Variants in CHRM4 observed in about 807,000 individuals in gnomAD.
CHRM4 encodes the protein muscarinic acetylcholine receptor M4.
A neutral mutation model predicts 26.3 loss-of-function variants in CHRM4; 5 were observed. That is an observed-to-expected ratio of 0.19 (90% CI 0.10 to 0.40). The LOEUF (loss-of-function observed/expected upper bound fraction) is 0.40. CHRM4 is among the 10% of genes least tolerant of loss of function. The probability of loss-of-function intolerance (pLI) is 1.00; values close to 1 mark genes in which losing one functional copy is unlikely to be tolerated. For missense variants in CHRM4, 402 were observed against 664.5 expected, an observed-to-expected ratio of 0.60 and a Z score of 4.34; for synonymous variants, 290 against 285.3, an observed-to-expected ratio of 1.02 and a Z score of -0.16.
intron 1 of CHRM4, among the ~76,000 whole-genome samples, chr11:46,390,527 C>A (rs781673989): frequency 3.3e-5 from 5 of 152,260 alleles, no homozygotes; most frequent in Non-Finnish European, 5.9e-5. Flanking sequence ...TCGGGTCAGG[C>A]GAGTGCAAGA....
chr11:46,387,933 C>T (rs1469703822), intron 1 of CHRM4, among the ~76,000 whole-genome samples: 1 of 152,218 alleles, frequency 6.6e-6, no homozygotes, highest in Non-Finnish European at 1.5e-5. Flanking sequence ...GGCCGCCTCT[C>T]CCCTCCACAG....
chr11:46,384,570 A>T lies in CHRM4; in HGVS notation c.*548T>A, dbSNP rs1590680696. 6.6e-6 allele frequency among the ~76,000 whole-genome samples: 1 copy of T among 152,296 alleles called. No individual in the cohort carries two copies. The highest frequency in any genetic ancestry group is 2.4e-5 in the African/African-American group (1 of 41,552). On this transcript the variant is annotated 3_prime_UTR_variant, in exon 2 of 2. Transcript: ENST00000682254. ...GGGCGGGGGGGACCTGGCCTCCATC[A>T]TACCCACCCAGAACCTGGCTAAGTA...
chr11:46,387,230 T>C (rs1246733789), intron 1 of CHRM4, among the ~76,000 whole-genome samples: 1 of 152,228 alleles, frequency 6.6e-6, no homozygotes, highest in Non-Finnish European at 1.5e-5. Flanking sequence ...AATCGGGGTA[T>C]GTATGAGCAC....
chr11:46,391,273 G>T lies in CHRM4; in HGVS notation c.-30+258C>A, dbSNP rs1023942031. Among the ~76,000 whole-genome samples the T allele has an allele frequency of 6.6e-6, 1 of 152,032 alleles. No individual in the cohort carries two copies. The highest frequency in any genetic ancestry group is 2.4e-5 in the African/African-American group (1 of 41,490). ...TCAGCGCCCGGCGCCCTGCTGAGCC[G>T]CCAGTGGGAGGGCTGGAGTACAGGG... On this transcript the variant is annotated intron_variant, in intron 1 of 1. Coordinates refer to ENST00000682254, the MANE Select transcript of CHRM4 (RefSeq NM_000741.5). The surrounding 1 kb of genome is among the most constrained non-coding windows in gnomAD (Gnocchi z 6.3).
intron 1 of CHRM4, among the ~76,000 whole-genome samples, chr11:46,391,000 C>A (rs1237718039): frequency 6.6e-6 from 1 of 152,006 alleles, no homozygotes; most frequent in African/African-American, 2.4e-5. Flanking sequence ...ACATTGTGCC[C>A]AACACTTCCG....
Position 46,386,334 on chromosome 11 carries a change from G to A in CHRM4, c.224C>T (p.Ala75Val). 1 of 1,613,958 alleles carries A rather than the reference G, an allele frequency of 6.2e-7. No homozygotes were observed. Among genetic ancestry groups the A allele is most frequent in the Non-Finnish European group, 8.5e-7 (1 of 1,179,918 alleles). Residue 75 changes from alanine (A) to valine (V), a missense_variant, in exon 2 of 2, where the codon GCG becomes GTG. Around this residue, in one of 5 missense-constraint regions of CHRM4, gnomAD observed 92 missense variants for 133.1 expected, o/e 0.69. Coordinates refer to ENST00000682254, the MANE Select transcript of CHRM4 (RefSeq NM_000741.5). The surrounding 1 kb of genome is among the most constrained non-coding windows in gnomAD (Gnocchi z 5.8). ...GGCGCCTATGATGAGATCAGCACAC[G>A]CCAGGCTGAAGAGGAAGTAGTTGTT... is the stretch of plus-strand genomic sequence containing the variant. ...TVNNYFLFSL[A>V]CADLIIGAFS...
rs757378742 is a variant in CHRM4 at position 46,386,454 on chromosome 11, A to G, written c.104T>C (p.Ile35Thr). The change falls in exon 2 of 2, where the codon ATT becomes ACT. Residue 35 changes from isoleucine to threonine, a missense_variant. By Grantham distance (89) the Ile-to-Thr change is moderately conservative (BLOSUM62 -1). This residue lies in a region of CHRM4 where 92 missense variants were observed against 133.1 expected (regional missense o/e 0.69). Coordinates refer to ENST00000682254, the MANE Select transcript of CHRM4 (RefSeq NM_000741.5). The surrounding 1 kb of genome is among the most constrained non-coding windows in gnomAD (Gnocchi z 5.8). ...GCTCAGGGAGCCTGTCACTGTGGCA[A>G]TGAAGACCATTTCCACCGTCTCATA... ...NRYETVEMVF[I>T]ATVTGSLSLV... 1.2e-6 allele frequency: 2 copies of G among 1,613,862 alleles called. No homozygotes were observed. Among genetic ancestry groups the G allele is most frequent in the Admixed American group, 3.3e-5 (2 of 60,026 alleles).
Position 46,384,489 on chromosome 11 carries a change from C to T in CHRM4, c.*629G>A, listed in dbSNP as rs1200526371. ...GAAGGCCAGACCTCAGTTCCTGAGA[C>T]AGAACCTCTGACCTCCCAGCTGCCC... is the stretch of plus-strand genomic sequence containing the variant. On this transcript the variant is annotated 3_prime_UTR_variant, in exon 2 of 2. Coordinates refer to ENST00000682254, the MANE Select transcript of CHRM4 (RefSeq NM_000741.5). Among the ~76,000 whole-genome samples, 1 of 152,238 alleles carries T rather than the reference C, an allele frequency of 6.6e-6. No individual in the cohort carries two copies. Among genetic ancestry groups the T allele is most frequent in the Non-Finnish European group, 1.5e-5 (1 of 68,040 alleles).
rs923871797 is a variant in CHRM4 at position 46,384,809 on chromosome 11, C to T, written c.*309G>A. Reference sequence around the variant, plus strand: ...TTCGGCCCCCATCCAGATGTCCATTCTTCCAGCACTGCTGATGGTTGGTCA... The same window carrying T: ...TTCGGCCCCCATCCAGATGTCCATTTTTCCAGCACTGCTGATGGTTGGTCA... On this transcript the variant is annotated 3_prime_UTR_variant, in exon 2 of 2. Coordinates refer to ENST00000682254, the MANE Select transcript of CHRM4 (RefSeq NM_000741.5). Among the ~76,000 whole-genome samples the T allele has an allele frequency of 1.3e-5, 2 of 152,380 alleles. No homozygotes were observed. Among genetic ancestry groups the T allele is most frequent in the African/African-American group, 4.8e-5 (2 of 41,602 alleles).
In CHRM4 at chr11:46,391,501, G is replaced by C. The variant is rs906885088; in HGVS notation, c.-30+30C>G. ...CCCGGCCCGCGCTCGCCCCGGAGGGGGTCTGGCGCCCTGTCCCAGTCGAAC... is the reference window on the plus strand; with the variant it reads ...CCCGGCCCGCGCTCGCCCCGGAGGGCGTCTGGCGCCCTGTCCCAGTCGAAC... On this transcript the variant is annotated intron_variant, in intron 1 of 1. Transcript: ENST00000682254. This position sits in a 1 kb window ranked among gnomAD's most constrained non-coding sequence, Gnocchi z 6.3. Among the ~76,000 whole-genome samples, 1 of 152,036 alleles carries C rather than the reference G, an allele frequency of 6.6e-6. No individual in the cohort carries two copies. Among genetic ancestry groups the C allele is most frequent in the African/African-American group, 2.4e-5 (1 of 41,422 alleles).
intron 1 of CHRM4, among the ~76,000 whole-genome samples, chr11:46,390,032 C>T (rs1945377746): frequency 6.6e-6 from 1 of 152,172 alleles, no homozygotes; most frequent in Non-Finnish European, 1.5e-5. Flanking sequence ...AGGATGCACA[C>T]GGTTCGGGTG....
At chr11:46,390,037 C>T (rs973479681) in intron 1 of CHRM4, among the ~76,000 whole-genome samples, 2 of 152,136 alleles carry the variant, frequency 1.3e-5, no homozygotes, top group Admixed American at 6.5e-5. Context: ...GCACACGGTT[C>T]GGGTGCCTCT....
chr11:46,386,553 G>A lies in CHRM4; in HGVS notation c.5C>T (p.Ala2Val). 6.2e-7 allele frequency: 1 copy of A among 1,607,892 alleles called. No individual in the cohort carries two copies. Among genetic ancestry groups the A allele is most frequent in the Non-Finnish European group, 8.5e-7 (1 of 1,175,226 alleles). M[A>V]NFTPVNGSSG... ...GCTGCCATTGACAGGTGTGAAGTTG[G>A]CCATGTTGGTTGCCAGGGGTGGGTA... Residue 2 changes from alanine to valine, a missense_variant, in exon 2 of 2, where the codon GCC (alanine) becomes GTC (valine). This residue lies in a region of CHRM4 where 92 missense variants were observed against 133.1 expected (regional missense o/e 0.69). Transcript: ENST00000682254. This position sits in a 1 kb window ranked among gnomAD's most constrained non-coding sequence, Gnocchi z 5.8.
Position 46,385,366 on chromosome 11 carries a change from C to T in CHRM4, c.1192G>A (p.Val398Met). 1 of 1,610,224 alleles carries T rather than the reference C, an allele frequency of 6.2e-7. No individual in the cohort carries two copies. The highest frequency in any genetic ancestry group is 8.5e-7 in the Non-Finnish European group (1 of 1,176,790). The change falls in exon 2 of 2, where the codon GTG becomes ATG. Residue 398 changes from valine to methionine, a missense_variant. Around this residue, in one of 5 missense-constraint regions of CHRM4, gnomAD observed 55 missense variants for 126.4 expected, o/e 0.44. Coordinates refer to ENST00000682254, the MANE Select transcript of CHRM4 (RefSeq NM_000741.5). The surrounding 1 kb of genome is among the most constrained non-coding windows in gnomAD (Gnocchi z 6.3). ...AGAATGGCAAAGATCGTTCGTGTCA[C>T]TTTGCGCTCCCGGGCCGCCATCTGC... is the stretch of plus-strand genomic sequence containing the variant. ...KRQMAARERK[V>M]TRTIFAILLA...
chr11:46,386,365 T>C lies in CHRM4; in HGVS notation c.193A>G (p.Thr65Ala). Residue 65 changes from threonine (T) to alanine (A), a missense_variant, in exon 2 of 2, where the codon ACA becomes GCA. Thr to Ala is a moderately conservative substitution (Grantham distance 58, BLOSUM62 0). Around this residue, in one of 5 missense-constraint regions of CHRM4, gnomAD observed 92 missense variants for 133.1 expected, o/e 0.69. Coordinates refer to ENST00000682254, the MANE Select transcript of CHRM4 (RefSeq NM_000741.5). This position sits in a 1 kb window ranked among gnomAD's most constrained non-coding sequence, Gnocchi z 5.8. ...CTGAAGAGGAAGTAGTTGTTGACTG[T>C]CTGCAGCTGCCTGTTGACCTTGATG... is the stretch of plus-strand genomic sequence containing the variant. ...LSIKVNRQLQTVNNYFLFSLA... is the reference protein window; with the variant it reads ...LSIKVNRQLQAVNNYFLFSLA... 1 of 1,614,072 alleles carries C rather than the reference T, an allele frequency of 6.2e-7. No individual in the cohort carries two copies. The highest frequency in any genetic ancestry group is 8.5e-7 in the Non-Finnish European group (1 of 1,179,958).
Position 46,385,887 on chromosome 11 carries a change from C to A in CHRM4, c.671G>T (p.Ser224Ile). The A allele has an allele frequency of 6.2e-7, 1 of 1,610,864 alleles. No individual in the cohort carries two copies. Among genetic ancestry groups the A allele is most frequent in the Admixed American group, 1.7e-5 (1 of 59,598 alleles). Residue 224 changes from serine to isoleucine, a missense_variant, in exon 2 of 2, where the codon AGC becomes ATC. By Grantham distance (142) the Ser-to-Ile change is moderately radical. Transcript: ENST00000682254. This position sits in a 1 kb window ranked among gnomAD's most constrained non-coding sequence, Gnocchi z 6.3. ...LYIHISLASR[S>I]RVHKHRPEGP... ...CTCGGGCCGGTGCTTGTGGACTCGGCTGCGACTGGCCAGGGAGATGTGGAT... is the reference window on the plus strand; with the variant it reads ...CTCGGGCCGGTGCTTGTGGACTCGGATGCGACTGGCCAGGGAGATGTGGAT...
intron 1 of CHRM4, among the ~76,000 whole-genome samples, chr11:46,389,771 G>A (rs1455661955): frequency 6.6e-6 from 1 of 152,252 alleles, no homozygotes; most frequent in Non-Finnish European, 1.5e-5. Flanking sequence ...GTTCTCGGGT[G>A]GGAAAGTTGA....
Position 46,386,798 on chromosome 11 carries a change from G to A in CHRM4, c.-29-212C>T, listed in dbSNP as rs558342810. Among the ~76,000 whole-genome samples, 393 of 152,318 alleles carry A rather than the reference G, an allele frequency of 2.6e-3. 2 individuals are homozygous for A. The highest frequency in any genetic ancestry group is 8.9e-3 in the African/African-American group (371 of 41,562). On this transcript the variant is annotated intron_variant, in intron 1 of 1. Transcript: ENST00000682254. This position sits in a 1 kb window ranked among gnomAD's most constrained non-coding sequence, Gnocchi z 5.8. Reference sequence around the variant, plus strand: ...TGCTCAGGGTGCTGTGGCTACAGAAGTGAATAAGACACACATGGCCCCCTG... The same window carrying A: ...TGCTCAGGGTGCTGTGGCTACAGAAATGAATAAGACACACATGGCCCCCTG...
chr11:46,389,465 G>T lies in CHRM4; in HGVS notation c.-30+2066C>A, dbSNP rs147458035. 7.4e-3 allele frequency among the ~76,000 whole-genome samples: 1,125 copies of T among 152,338 alleles called. 9 individuals are homozygous for T. The highest frequency in any genetic ancestry group is 9.5e-3 in the Non-Finnish European group (646 of 68,026). ...CTGTCGTCGTTTTGGACACCTCGGG[G>T]TCACCCGCAGACATTCCGACCCCCT... On this transcript the variant is annotated intron_variant, in intron 1 of 1. Transcript: ENST00000682254.
Sources: allele counts gnomAD v4.1 joint callset (sites outside exome capture counted in the v4.1 genomes callset), GRCh38; gene constraint gnomAD v4.1.1; regional missense constraint gnomAD v4.1.1; non-coding constraint Gnocchi (gnomAD v3.1); transcripts MANE v1.5; gene names NCBI Gene and HGNC (gene_info 2026-07-23, HGNC 2026-07-21).